Variants in ZFYVE9 observed in about 807,000 individuals in gnomAD.
ZFYVE9 encodes the protein zinc finger FYVE domain-containing protein 9.
A neutral mutation model predicts 126.7 loss-of-function variants in ZFYVE9; 43 were observed. The ratio of observed to expected loss-of-function variants is 0.34; its 90% confidence interval spans 0.27 to 0.44. The LOEUF (loss-of-function observed/expected upper bound fraction) is 0.44, where lower values mean the gene tolerates loss of function less well. Ranked by LOEUF, ZFYVE9 falls within the 20% of genes least tolerant of loss-of-function variation. The pLI, the probability that ZFYVE9 is intolerant of heterozygous loss-of-function variation, is 1.00. For missense variants in ZFYVE9, 1,476 were observed against 1,697.0 expected (o/e 0.87, Z 2.29); for synonymous variants, 521 against 597.4 (o/e 0.87, Z 1.87).
chr1:52,210,308 A>C (rs1269032700), intron 1 of ZFYVE9, among the ~76,000 whole-genome samples: 1 of 152,196 alleles, frequency 6.6e-6, no homozygotes, highest in African/African-American at 2.4e-5. Context: ...GTAGCAGTGT[A>C]TGTGGGTTGG....
chr1:52,232,912 C>T (rs1645237510), intron 2 of ZFYVE9, among the ~76,000 whole-genome samples: 1 of 151,864 alleles, frequency 6.6e-6, no homozygotes, highest in Non-Finnish European at 1.5e-5. Flanking sequence ...CCTTTCCCAG[C>T]ATCTGAAATG....
intron 10 of ZFYVE9, among the ~76,000 whole-genome samples, chr1:52,289,771 A>T (rs1430858997): frequency 6.6e-6 from 1 of 152,162 alleles, no homozygotes; most frequent in Non-Finnish European, 1.5e-5. Context: ...ATTATTGGTA[A>T]TCTACATTTT....
intron 1 of ZFYVE9, among the ~76,000 whole-genome samples, chr1:52,155,234 CTTTTTTTTTTTTTT>C (rs202048189): frequency 7.7e-6 from 1 of 129,092 alleles, no homozygotes; most frequent in Non-Finnish European, 1.7e-5. Context: ...TCTTTTTTTT[CTTTTTTTTTTTTTT>C]TTTTTGAGAC....
At chr1:52,166,245 G>A (rs1343665020) in intron 1 of ZFYVE9, among the ~76,000 whole-genome samples, 1 of 152,170 alleles carries the variant, frequency 6.6e-6, no homozygotes, top group East Asian at 1.9e-4. Context: ...TATTGCTAAG[G>A]TGCAAGCAGT....
At chr1:52,307,340 AT>A in intron 13 of ZFYVE9, among the ~76,000 whole-genome samples, 1 of 151,978 alleles carries the variant, frequency 6.6e-6, no homozygotes, top group Non-Finnish European at 1.5e-5. Context: ...GATTCAAGCA[AT>A]TCTCCTACCT....
intron 1 of ZFYVE9, among the ~76,000 whole-genome samples, chr1:52,201,437 C>T (rs369366447): frequency 2.9e-5 from 4 of 139,694 alleles, no homozygotes; most frequent in African/African-American, 5.4e-5. Flanking sequence ...AGTGCAGTGG[C>T]GCAATCTCGG....
intron 15 of ZFYVE9, among the ~76,000 whole-genome samples, chr1:52,336,358 GGTTTTTTTT>G (rs1646388369): frequency 7.4e-6 from 1 of 134,866 alleles, no homozygotes. Flanking sequence ...AAATCTAAGA[GGTTTTTTTT>G]GTTTTTTTTT....
chr1:52,207,086 T>C (rs992796212), intron 1 of ZFYVE9, among the ~76,000 whole-genome samples: 5 of 152,242 alleles, frequency 3.3e-5, no homozygotes, highest in Admixed American at 3.3e-4. Context: ...AGAAATAATA[T>C]TTAATCAAAT....
intron 13 of ZFYVE9, among the ~76,000 whole-genome samples, chr1:52,320,577 T>C (rs1478495694): frequency 6.6e-6 from 1 of 152,204 alleles, no homozygotes; most frequent in Admixed American, 6.5e-5. Context: ...TAGCCAGTTG[T>C]TTGAAAAAGA....
intron 1 of ZFYVE9, among the ~76,000 whole-genome samples, chr1:52,182,974 A>G (rs1351851838): frequency 1.3e-5 from 2 of 152,218 alleles, no homozygotes; most frequent in Admixed American, 1.3e-4. Context: ...TAAGGTGTCT[A>G]TTAGGATTGG....
At chr1:52,336,625 C>G (rs1646392236) in intron 15 of ZFYVE9, among the ~76,000 whole-genome samples, 1 of 147,230 alleles carries the variant, frequency 6.8e-6, no homozygotes, top group South Asian at 2.2e-4. Flanking sequence ...TCCCGAAGTG[C>G]TGGGATTACA....
intron 1 of ZFYVE9, among the ~76,000 whole-genome samples, chr1:52,168,532 A>T (rs609158): frequency 0.96 from 141,229 of 147,720 alleles, 67,472 homozygotes; most frequent in East Asian, 0.99. Context: ...TTTTTTTTTT[A>T]AAAGCAACAG....
At chr1:52,176,365 T>G (rs1268425315) in intron 1 of ZFYVE9, among the ~76,000 whole-genome samples, 4 of 152,158 alleles carry the variant, frequency 2.6e-5, no homozygotes, top group Admixed American at 1.3e-4. Flanking sequence ...AAGTTTTGTC[T>G]CAGAGGAGTA....
chr1:52,266,183 C>T (rs964173736), intron 5 of ZFYVE9, among the ~76,000 whole-genome samples: 1 of 151,840 alleles, frequency 6.6e-6, no homozygotes, highest in Non-Finnish European at 1.5e-5. Context: ...CTGCAAGCTC[C>T]ACCTCCCGGG....
At chr1:52,156,718 A>G (rs1038545415) in intron 1 of ZFYVE9, among the ~76,000 whole-genome samples, 5 of 152,154 alleles carry the variant, frequency 3.3e-5, no homozygotes, top group Non-Finnish European at 7.4e-5. Context: ...CTGTATTTCT[A>G]CTGCTATAAT....
At chr1:52,250,025 G>A (rs1197117499) in intron 4 of ZFYVE9, among the ~76,000 whole-genome samples, 2 of 152,110 alleles carry the variant, frequency 1.3e-5, no homozygotes, top group Non-Finnish European at 2.9e-5. Flanking sequence ...TAGCTTCATA[G>A]TAAGTTTTGA....
At chr1:52,188,901 G>A (rs892776558) in intron 1 of ZFYVE9, among the ~76,000 whole-genome samples, 8 of 151,764 alleles carry the variant, frequency 5.3e-5, no homozygotes, top group East Asian at 1.9e-4. Context: ...ACAGTCATGC[G>A]GTAATCACCA....
At chr1:52,229,068 T>C (rs1645194591) in intron 2 of ZFYVE9, among the ~76,000 whole-genome samples, 3 of 152,028 alleles carry the variant, frequency 2.0e-5, no homozygotes, top group African/African-American at 7.3e-5. Context: ...TTGTTGATGT[T>C]GCCCAGGCTG....
intron 1 of ZFYVE9, among the ~76,000 whole-genome samples, chr1:52,212,252 C>G (rs1202199408): frequency 6.6e-6 from 1 of 152,288 alleles, no homozygotes; most frequent in African/African-American, 2.4e-5. Flanking sequence ...TCAAGTTGTC[C>G]TCCTGCCTCA....
Sources: gnomAD v4.1 joint callset for allele counts (sites outside exome capture counted in the v4.1 genomes callset) on GRCh38, gnomAD v4.1.1 for gene constraint, MANE v1.5 for transcripts, NCBI Gene and HGNC (gene_info 2026-07-23, HGNC 2026-07-21) for gene names.